TXNDC8: variants seen among roughly 807,000 people sequenced by gnomAD.
The protein encoded by TXNDC8 is thioredoxin domain-containing protein 8.
Under a neutral mutation model 12.9 loss-of-function variants are expected in TXNDC8, and 15 were observed. That is an observed-to-expected ratio of 1.16 (90% CI 0.78 to 1.79). The LOEUF is 1.79. Ranked by LOEUF, TXNDC8 falls within the 40% of genes most tolerant of loss-of-function variation. TXNDC8 has a pLI of 0.00. For missense variants in TXNDC8, 128 were observed against 113.2 expected (o/e 1.13, Z -0.59); for synonymous variants, 40 against 35.4 (o/e 1.13, Z -0.46).
chr9:110,335,461 T>A (rs1231977101), intron 1 of TXNDC8, among the ~76,000 whole-genome samples: 2 of 152,216 alleles, frequency 1.3e-5, no homozygotes, highest in African/African-American at 2.4e-5. Context: ...TCAAGACTTT[T>A]CCTTTTCTCA....
chr9:110,306,922 G>A (rs1418758423), intron 3 of TXNDC8, among the ~76,000 whole-genome samples: 2 of 151,648 alleles, frequency 1.3e-5, no homozygotes, highest in East Asian at 1.9e-4. Flanking sequence ...GACTATACCC[G>A]AAATTTTTTT....
chr9:110,332,811 T>C (rs565185654), intron 2 of TXNDC8, among the ~76,000 whole-genome samples: 3 of 152,238 alleles, frequency 2.0e-5, no homozygotes, highest in Admixed American at 2.0e-4. Flanking sequence ...CATGAACCAA[T>C]GTGTATGTGG....
At chr9:110,313,342 G>A (rs1003170080) in intron 3 of TXNDC8, among the ~76,000 whole-genome samples, 1 of 152,118 alleles carries the variant, frequency 6.6e-6, no homozygotes, top group Non-Finnish European at 1.5e-5. Flanking sequence ...AACTTCCGAA[G>A]AAAATAACAG....
chr9:110,334,430 G>A (rs372077420), intron 1 of TXNDC8, 110 bp from the exon 2 acceptor site: 1 of 934,924 alleles, frequency 1.1e-6, no homozygotes. Flanking sequence ...TTTTTTTAAA[G>A]CCAGGTTATC....
intron 3 of TXNDC8, among the ~76,000 whole-genome samples, chr9:110,324,906 G>A (rs1434642819): frequency 6.6e-6 from 1 of 152,224 alleles, no homozygotes; most frequent in Non-Finnish European, 1.5e-5. Flanking sequence ...GAGGCCAGGA[G>A]TTTGAGACCA....
Position 110,314,986 on chromosome 9 carries a change from A to G in TXNDC8, c.196-10454T>C, listed in dbSNP as rs201961726. Reference sequence around the variant, plus strand: ...TGGCTGTCCATGCATAATAGAACCAACTAAGCTCAATGATCAGTTTTGAAG... The same window carrying G: ...TGGCTGTCCATGCATAATAGAACCAGCTAAGCTCAATGATCAGTTTTGAAG... On this transcript the variant is annotated intron_variant, in intron 3 of 4. Coordinates refer to ENST00000423740, the MANE Select transcript of TXNDC8 (RefSeq NM_001286946.2). 9.2e-5 allele frequency among the ~76,000 whole-genome samples: 14 copies of G among 152,328 alleles called. No individual in the cohort carries two copies. The East Asian group carries it at 2.1e-3, about 23-fold the overall frequency.
intron 3 of TXNDC8, among the ~76,000 whole-genome samples, chr9:110,314,999 A>G (rs1838830841): frequency 6.6e-6 from 1 of 152,202 alleles, no homozygotes; most frequent in Non-Finnish European, 1.5e-5. Flanking sequence ...AAGCTCAATG[A>G]TCAGTTTTGA....
chr9:110,324,753 A>G (rs1839240133), intron 3 of TXNDC8, among the ~76,000 whole-genome samples: 1 of 152,196 alleles, frequency 6.6e-6, no homozygotes, highest in African/African-American at 2.4e-5. Flanking sequence ...TGTCTCCTAC[A>G]TATGTTTGCA....
intron 3 of TXNDC8, among the ~76,000 whole-genome samples, chr9:110,308,733 C>T (rs1838552160): frequency 6.6e-6 from 1 of 152,154 alleles, no homozygotes; most frequent in African/African-American, 2.4e-5. Context: ...CCTTTGCCAC[C>T]TGCAGTACCA....
intron 3 of TXNDC8, among the ~76,000 whole-genome samples, chr9:110,305,201 GT>G (rs1161224021): frequency 7.0e-6 from 1 of 142,232 alleles, no homozygotes; most frequent in Non-Finnish European, 1.5e-5. Context: ...AAATGTAATT[GT>G]TTTTAAAAAA....
intron 3 of TXNDC8, chr9:110,322,773 G>C (rs1287115142): frequency 4.1e-6 from 4 of 985,424 alleles, no homozygotes; most frequent in Non-Finnish European, 4.8e-6. Context: ...AGGAGGAGAG[G>C]CTGAGCTGGC....
At chr9:110,328,250 C>T (rs946692467) in intron 2 of TXNDC8, among the ~76,000 whole-genome samples, 1 of 152,128 alleles carries the variant, frequency 6.6e-6, no homozygotes, top group Non-Finnish European at 1.5e-5. Flanking sequence ...TGGTACCTCT[C>T]ATCATTACAA....
In TXNDC8 at chr9:110,337,815, C is replaced by A. The variant is rs10980330; in HGVS notation, c.-19G>T. 1 of 1,613,494 alleles carries A rather than the reference C, an allele frequency of 6.2e-7. No individual in the cohort carries two copies. On this transcript the variant is annotated 5_prime_UTR_variant, in exon 1 of 5. Coordinates refer to ENST00000423740, the MANE Select transcript of TXNDC8 (RefSeq NM_001286946.2). ...GTACCATGATTACACCAGGGAAGTG[C>A]TGATGAAAATCCCCTGTTGGTTTAG...
At chr9:110,301,768 C>G (rs1208256722), downstream of TXNDC8, among the ~76,000 whole-genome samples, 1 of 152,132 alleles carries the variant, frequency 6.6e-6, no homozygotes, top group Non-Finnish European at 1.5e-5. Context: ...ACCCCGAGTC[C>G]CCCATAGCTT....
chr9:110,334,190 A>C, intron 2 of TXNDC8, 26 bp downstream of exon 2: 2 of 1,490,888 alleles, frequency 1.3e-6, no homozygotes, highest in Non-Finnish European at 1.8e-6. Flanking sequence ...TTCTGAAACT[A>C]TGAGATATAT....
intron 1 of TXNDC8, 64 bp from the exon 2 acceptor site, chr9:110,334,384 A>AAG: frequency 7.0e-7 from 1 of 1,424,104 alleles, no homozygotes; most frequent in Non-Finnish European, 9.8e-7. Flanking sequence ...TTTTGTAGAG[A>AAG]AGAAGATGAC....
chr9:110,313,310 C>T (rs1488027623), intron 3 of TXNDC8, among the ~76,000 whole-genome samples: 1 of 152,144 alleles, frequency 6.6e-6, no homozygotes, highest in Non-Finnish European at 1.5e-5. Context: ...TAAAGCCCTG[C>T]AAACTGAAGC....
In TXNDC8 at chr9:110,326,217, G is replaced by A. The variant is rs1354684594; in HGVS notation, c.153C>T (p.Ile51=). The A allele has an allele frequency of 6.2e-7, 1 of 1,613,984 alleles. No individual in the cohort carries two copies. ...ACATCTGAAATGTGGGTATTGTTTT[G>A]ATGTGACAAGTTTCAGCCAGCTCCT... is the stretch of plus-strand genomic sequence containing the variant. The change falls in exon 3 of 5, where the codon ATC becomes ATT. Residue 51 remains isoleucine (I), a synonymous_variant. Coordinates refer to ENST00000423740, the MANE Select transcript of TXNDC8 (RefSeq NM_001286946.2).
intron 2 of TXNDC8, 46 bp downstream of exon 3, chr9:110,329,186 T>C: frequency 6.6e-7 from 1 of 1,516,848 alleles, no homozygotes; most frequent in South Asian, 1.2e-5. Context: ...TCAATTACAA[T>C]GCCTTTGGAT....
Sources: allele counts gnomAD v4.1 joint callset (sites outside exome capture counted in the v4.1 genomes callset), GRCh38; gene constraint gnomAD v4.1.1; transcripts MANE v1.5; gene names NCBI Gene and HGNC (gene_info 2026-07-23, HGNC 2026-07-21).